PRPF39: variants seen among roughly 807,000 people sequenced by gnomAD.
PRPF39 encodes the protein pre-mRNA-processing factor 39.
A neutral mutation model predicts 82.1 loss-of-function variants in PRPF39; 27 were observed. The observed-to-expected ratio is 0.33, with a 90% confidence interval of 0.24 to 0.45. The LOEUF (loss-of-function observed/expected upper bound fraction) is 0.45. Among genes scored for constraint, PRPF39 ranks in the 20% least tolerant of loss-of-function variants. PRPF39 has a pLI of 1.00. For synonymous variants in PRPF39, 261 were observed against 256.4 expected, an observed-to-expected ratio of 1.02 and a Z score of -0.17; for missense variants, 581 against 796.9, an observed-to-expected ratio of 0.73 and a Z score of 3.26.
intron 4 of PRPF39, among the ~76,000 whole-genome samples, chr14:45,101,723 G>A (rs903587480): frequency 1.2e-4 from 18 of 151,968 alleles, no homozygotes; most frequent in Admixed American, 7.9e-4. Flanking sequence ...ACAGGTGTGA[G>A]CCATCGTGCC....
At chr14:45,095,125 T>C in intron 1 of PRPF39, 96 bp from the exon 2 acceptor site, 6 of 714,390 alleles carry the variant, frequency 8.4e-6, no homozygotes, top group Admixed American at 6.0e-5. Context: ...AATATTTCTT[T>C]AATAGCTAAA....
chr14:45,110,496 A>G lies in PRPF39; in HGVS notation c.1304-53A>G. 1 of 1,498,434 alleles carries G rather than the reference A, an allele frequency of 6.7e-7. No individual in the cohort carries two copies. Among genetic ancestry groups the G allele is most frequent in the Non-Finnish European group, 9.0e-7 (1 of 1,107,882 alleles). The allele number at this position is 1,498,434 out of a possible 1,614,324, so 92.8% of individuals were successfully genotyped here. On this transcript the variant is annotated intron_variant, in intron 9 of 13. Coordinates refer to ENST00000355765, the MANE Select transcript of PRPF39 (RefSeq NM_017922.4). The surrounding 1 kb of genome is among the most constrained non-coding windows in gnomAD (Gnocchi z 4.0). ...GATTGTTGCCAGTATCTGGTTATAAACGTTATTTTGGTTGTTTAAACCAAA... is the reference window on the plus strand; with the variant it reads ...GATTGTTGCCAGTATCTGGTTATAAGCGTTATTTTGGTTGTTTAAACCAAA...
At chr14:45,086,929 G>C (rs1883850042) in intron 1 of PRPF39, among the ~76,000 whole-genome samples, 1 of 146,662 alleles carries the variant, frequency 6.8e-6, no homozygotes, top group South Asian at 2.2e-4. Flanking sequence ...GTTCAATTGT[G>C]TGTGCTTCAA....
intron 11 of PRPF39, among the ~76,000 whole-genome samples, chr14:45,112,784 G>T (rs1004123578): frequency 6.6e-6 from 1 of 152,210 alleles, no homozygotes; most frequent in Non-Finnish European, 1.5e-5. Context: ...GAGCAATCCT[G>T]TGAAAAGGGA....
chr14:45,103,269 T>G (rs1048257283), intron 5 of PRPF39, among the ~76,000 whole-genome samples: 1 of 152,134 alleles, frequency 6.6e-6, no homozygotes, highest in African/African-American at 2.4e-5. Context: ...TTAAAACAAC[T>G]AATTCTGTGT....
intron 12 of PRPF39, 67 bp from the exon 13 acceptor site, chr14:45,114,427 T>C (rs774273821): frequency 7.5e-6 from 11 of 1,457,650 alleles, no homozygotes; most frequent in Non-Finnish European, 1.0e-5. Flanking sequence ...ACAGATAACA[T>C]TCATCTATTC....
chr14:45,099,203 T>G (rs940165091), intron 4 of PRPF39, among the ~76,000 whole-genome samples: 2 of 152,182 alleles, frequency 1.3e-5, no homozygotes, highest in African/African-American at 4.8e-5. Context: ...GGTGAGTCTT[T>G]TCATTCTGAG....
chr14:45,096,616 A>G, intron 3 of PRPF39: 1 of 1,471,952 alleles, frequency 6.8e-7, no homozygotes, highest in Non-Finnish European at 9.1e-7. Flanking sequence ...TGATGCTCTA[A>G]TGGGTCTGTG....
At chr14:45,085,936 G>GA (rs771204543) in intron 1 of PRPF39, among the ~76,000 whole-genome samples, 206 of 140,184 alleles carry the variant, frequency 1.5e-3, no homozygotes, top group East Asian at 4.3e-3. Context: ...GAGGCATACA[G>GA]AAAAAAAAAA....
chr14:45,085,345 GAGCAT>G (rs1883788863), intron 1 of PRPF39, among the ~76,000 whole-genome samples: 1 of 152,156 alleles, frequency 6.6e-6, no homozygotes, highest in South Asian at 2.1e-4. Context: ...AGTAGGGGTT[GAGCAT>G]AGATGGCTCA....
At chr14:45,090,922 T>G (rs998801331) in intron 1 of PRPF39, among the ~76,000 whole-genome samples, 16 of 152,194 alleles carry the variant, frequency 1.1e-4, no homozygotes, top group Admixed American at 3.9e-4. Context: ...TCCTTTCAAA[T>G]TTTTGTGTAT....
intron 4 of PRPF39, among the ~76,000 whole-genome samples, chr14:45,100,506 T>G (rs542527173): frequency 2.0e-5 from 3 of 152,346 alleles, no homozygotes; most frequent in Admixed American, 2.0e-4. Context: ...TGAAGATTTC[T>G]CACGATTCAT....
intron 1 of PRPF39, among the ~76,000 whole-genome samples, chr14:45,087,669 G>A (rs1241239635): frequency 6.6e-6 from 1 of 151,788 alleles, no homozygotes; most frequent in Non-Finnish European, 1.5e-5. Context: ...CGCCTCCTGG[G>A]TTCACACCAT....
intron 5 of PRPF39, among the ~76,000 whole-genome samples, chr14:45,104,469 C>A (rs1412969121): frequency 6.6e-6 from 1 of 151,638 alleles, no homozygotes; most frequent in African/African-American, 2.4e-5. Flanking sequence ...TTCTTAAAGT[C>A]ATTTATTTAG....
Position 45,110,412 on chromosome 14 carries a change from C to T in PRPF39, c.1304-137C>T. 1 of 1,191,306 alleles carries T rather than the reference C, an allele frequency of 8.4e-7. No homozygotes were observed. The highest frequency in any genetic ancestry group is 1.6e-5 in the South Asian group (1 of 63,370). 73.8% of individuals were successfully genotyped at this position (1,191,306 alleles called of 1,614,324 possible). On this transcript the variant is annotated intron_variant, in intron 9 of 13. Coordinates refer to ENST00000355765, the MANE Select transcript of PRPF39 (RefSeq NM_017922.4). The surrounding 1 kb of genome is among the most constrained non-coding windows in gnomAD (Gnocchi z 4.0). Reference sequence around the variant, plus strand: ...ATTGTAGCCCCGAAACAGCCATAGGCAGTGTGTAAATATGCATGGCTGTTT... The same window carrying T: ...ATTGTAGCCCCGAAACAGCCATAGGTAGTGTGTAAATATGCATGGCTGTTT...
intron 1 of PRPF39, among the ~76,000 whole-genome samples, chr14:45,088,066 T>C (rs1883900742): frequency 6.6e-6 from 1 of 152,206 alleles, no homozygotes; most frequent in Non-Finnish European, 1.5e-5. Flanking sequence ...TTGGTAGATA[T>C]GGTCCTTACT....
chr14:45,114,747 A>C, intron 13 of PRPF39, 110 bp from the exon 14 acceptor site: 1 of 1,376,206 alleles, frequency 7.3e-7, no homozygotes, highest in East Asian at 2.3e-5. Flanking sequence ...CTAGAATTTT[A>C]GCAGTGAACA....
At chr14:45,090,857 A>G (rs1327437618) in intron 1 of PRPF39, among the ~76,000 whole-genome samples, 1 of 152,096 alleles carries the variant, frequency 6.6e-6, no homozygotes, top group African/African-American at 2.4e-5. Context: ...CTGGACATCC[A>G]TCAGGCATTG....
At chr14:45,102,823 G>T in intron 5 of PRPF39, 127 bp downstream of exon 5, 3 of 947,700 alleles carry the variant, frequency 3.2e-6, no homozygotes, top group East Asian at 2.9e-5. Flanking sequence ...AAATTTTGTT[G>T]CTAATCACAA....
Sources: gnomAD v4.1 joint callset for allele counts (sites outside exome capture counted in the v4.1 genomes callset) on GRCh38, gnomAD v4.1.1 for gene constraint, Gnocchi (gnomAD v3.1) non-coding constraint, MANE v1.5 for transcripts, NCBI Gene and HGNC (gene_info 2026-07-23, HGNC 2026-07-21) for gene names.